Variants in AGAP1 observed in about 807,000 individuals in gnomAD.
AGAP1 encodes the protein ArfGAP with GTPase domain, ankyrin repeat and PH domain 1, also known as arf-GAP with GTPase, ANK repeat and PH domain-containing protein 1.
Under a neutral mutation model 105.3 loss-of-function variants are expected in AGAP1, and 29 were observed. That is an observed-to-expected ratio of 0.28 (90% confidence interval 0.21 to 0.38). AGAP1 has a LOEUF of 0.38. Among genes scored for constraint, AGAP1 ranks in the 10% least tolerant of loss-of-function variants. The probability of loss-of-function intolerance (pLI) is 1.00; values close to 1 mark genes in which losing one functional copy is unlikely to be tolerated. For synonymous variants in AGAP1, 509 were observed against 485.9 expected, an observed-to-expected ratio of 1.05 and a Z score of -0.63; for missense variants, 998 against 1,165.1, an observed-to-expected ratio of 0.86 and a Z score of 2.09.
At chr2:236,048,928 A>AT in intron 15 of AGAP1, 131 bp from the exon 16 acceptor site, 1 of 846,304 alleles carries the variant, frequency 1.2e-6, no homozygotes, top group South Asian at 1.7e-5. Context: ...GCTAGGGAGC[A>AT]TTTTTTCTCG....
In AGAP1 at chr2:235,893,316, G is replaced by C. The variant is rs980016907; in HGVS notation, c.1155+9867G>C. On this transcript the variant is annotated intron_variant, in intron 10 of 17. Transcript: ENST00000304032. This position sits in a 1 kb window ranked among gnomAD's most constrained non-coding sequence, Gnocchi z 4.7. ...AGCGTGTCTGTGGCGCAGGTGTGCC[G>C]TGTCTGTGGCATGGGTGTGGCTTGT... Among the ~76,000 whole-genome samples the C allele has an allele frequency of 1.3e-5, 2 of 151,394 alleles. No homozygotes were observed. Among genetic ancestry groups the C allele is most frequent in the East Asian group, 3.9e-4 (2 of 5,078 alleles).
intron 16 of AGAP1, among the ~76,000 whole-genome samples, chr2:236,081,691 C>A (rs2058788430): frequency 7.3e-6 from 1 of 136,904 alleles, no homozygotes. Context: ...TTTTGCAGGG[C>A]AATTATCTGT....
intron 1 of AGAP1, among the ~76,000 whole-genome samples, chr2:235,532,861 A>C (rs1381847852): frequency 6.6e-6 from 1 of 152,144 alleles, no homozygotes; most frequent in African/African-American, 2.4e-5. Context: ...GGTCCTTAGC[A>C]GTGACTGTGA....
intron 13 of AGAP1, among the ~76,000 whole-genome samples, chr2:236,025,762 C>T (rs1000772421): frequency 2.0e-5 from 3 of 152,082 alleles, no homozygotes; most frequent in Non-Finnish European, 4.4e-5. Flanking sequence ...AGACGCTGGG[C>T]GTGGTGGCTC....
In AGAP1 at chr2:235,716,929, G is replaced by A. The variant is rs1372330575; in HGVS notation, c.223-628G>A. On this transcript the variant is annotated intron_variant, in intron 2 of 17. Transcript: ENST00000304032. The surrounding 1 kb of genome is among the most constrained non-coding windows in gnomAD (Gnocchi z 4.0). ...TCCAGCACAAACGAGCACCTTTGCCGTCTCTCCCAGCAGCCCTGGCACTGT... is the reference window on the plus strand; with the variant it reads ...TCCAGCACAAACGAGCACCTTTGCCATCTCTCCCAGCAGCCCTGGCACTGT... Among the ~76,000 whole-genome samples, 8 of 152,002 alleles carry A rather than the reference G, an allele frequency of 5.3e-5. No individual in the cohort carries two copies. The highest frequency in any genetic ancestry group is 1.7e-4 in the African/African-American group (7 of 41,372).
Position 235,663,112 on chromosome 2 carries a change from G to C in AGAP1, c.164-46067G>C, listed in dbSNP as rs1050917576. Among the ~76,000 whole-genome samples the C allele has an allele frequency of 1.3e-5, 2 of 152,048 alleles. No homozygotes were observed. The highest frequency in any genetic ancestry group is 4.8e-5 in the African/African-American group (2 of 41,402). Reference sequence around the variant, plus strand: ...GGCCGAGGCGGGTGGATCATCTGAGGTCAGCCTGACCAACAAGGTGAAACC... The same window carrying C: ...GGCCGAGGCGGGTGGATCATCTGAGCTCAGCCTGACCAACAAGGTGAAACC... On this transcript the variant is annotated intron_variant, in intron 1 of 17. Transcript: ENST00000304032. The surrounding 1 kb of genome is among the most constrained non-coding windows in gnomAD (Gnocchi z 5.4).
rs1462684156 is a variant in AGAP1, at chr2:235,889,176, C to A, written c.1155+5727C>A. On this transcript the variant is annotated intron_variant, in intron 10 of 17. Transcript: ENST00000304032. The surrounding 1 kb of genome is among the most constrained non-coding windows in gnomAD (Gnocchi z 4.6). ...AAAATAAACCCAGCTCTTGGCCAAA[C>A]AAACAGTCGGTATGTGGCCGTGCTG... Among the ~76,000 whole-genome samples, 1 of 152,108 alleles carries A rather than the reference C, an allele frequency of 6.6e-6. No individual in the cohort carries two copies. The highest frequency in any genetic ancestry group is 1.5e-5 in the Non-Finnish European group (1 of 67,984).
intron 1 of AGAP1, among the ~76,000 whole-genome samples, chr2:235,632,143 A>G (rs929818739): frequency 5.3e-5 from 8 of 152,210 alleles, no homozygotes; most frequent in African/African-American, 1.7e-4. Context: ...TCTAATTAGC[A>G]TACAAGGTGA....
Position 236,001,328 on chromosome 2 carries a change from A to G in AGAP1, c.1645+32705A>G, listed in dbSNP as rs565707422. Among the ~76,000 whole-genome samples, 98 of 152,324 alleles carry G rather than the reference A, an allele frequency of 6.4e-4. No homozygotes were observed. Among genetic ancestry groups the G allele is most frequent in the African/African-American group, 2.2e-3 (92 of 41,576 alleles). On this transcript the variant is annotated intron_variant, in intron 13 of 17. Transcript: ENST00000304032. This position sits in a 1 kb window ranked among gnomAD's most constrained non-coding sequence, Gnocchi z 4.7. ...GCATTTTTGTGGTTTCACGCCACCC[A>G]GCGTGCGGTGCATTGTGGCAGGTGC... is the stretch of plus-strand genomic sequence containing the variant.
In AGAP1 at chr2:235,557,345, A is replaced by C. The variant is rs1944006688; in HGVS notation, c.163+62496A>C. ...CTGTTGCTCACCGCGTGTTGATTTT[A>C]TTTAAGACTGGAAAGGCTTGTCCAT... On this transcript the variant is annotated intron_variant, in intron 1 of 17. Transcript: ENST00000304032. The surrounding 1 kb of genome is among the most constrained non-coding windows in gnomAD (Gnocchi z 4.7). Among the ~76,000 whole-genome samples the C allele has an allele frequency of 6.6e-6, 1 of 152,022 alleles. No individual in the cohort carries two copies. The highest frequency in any genetic ancestry group is 6.5e-5 in the Admixed American group (1 of 15,272).
At position 236,040,037 on chromosome 2, in the gene AGAP1, C is replaced by T. The variant is rs914234083; in HGVS notation, c.1801-714C>T. Among the ~76,000 whole-genome samples, 4 of 152,030 alleles carry T rather than the reference C, an allele frequency of 2.6e-5. No homozygotes were observed. Among genetic ancestry groups the T allele is most frequent in the South Asian group, 4.2e-4 (2 of 4,818 alleles). On this transcript the variant is annotated intron_variant, in intron 14 of 17. Transcript: ENST00000304032. This position sits in a 1 kb window ranked among gnomAD's most constrained non-coding sequence, Gnocchi z 5.6. ...AAGGCAGGAGGATCACTTGAGCCCA[C>T]GAGTTCAAGGCTGCAGTGAGCTATG...
rs1020132543 is a variant in AGAP1 at position 235,556,106 on chromosome 2, C to T, written c.163+61257C>T. Among the ~76,000 whole-genome samples the T allele has an allele frequency of 1.3e-5, 2 of 152,126 alleles. No homozygotes were observed. The highest frequency in any genetic ancestry group is 6.5e-5 in the Admixed American group (1 of 15,278). On this transcript the variant is annotated intron_variant, in intron 1 of 17. Transcript: ENST00000304032. This position sits in a 1 kb window ranked among gnomAD's most constrained non-coding sequence, Gnocchi z 5.3. ...TTCTGGAAGCCTCCAGAAGGATGGA[C>T]GGGGGCACTGAGACCTGAAGAAGGG...
rs906267909 is a variant in AGAP1, at chr2:235,855,696, A to T, written c.1051-27649A>T. On this transcript the variant is annotated intron_variant, in intron 9 of 17. Coordinates refer to ENST00000304032, the MANE Select transcript of AGAP1 (RefSeq NM_001037131.3). This position sits in a 1 kb window ranked among gnomAD's most constrained non-coding sequence, Gnocchi z 5.0. Reference sequence around the variant, plus strand: ...GACCGAGAGGCTGAGCAGCAGCTCCACTGAATTCAAGTCAGAGGATATTTG... The same window carrying T: ...GACCGAGAGGCTGAGCAGCAGCTCCTCTGAATTCAAGTCAGAGGATATTTG... 6.6e-6 allele frequency among the ~76,000 whole-genome samples: 1 copy of T among 152,112 alleles called. No homozygotes were observed. The highest frequency in any genetic ancestry group is 1.9e-4 in the East Asian group (1 of 5,184).
chr2:235,762,342 G>C (rs749818247), intron 6 of AGAP1, among the ~76,000 whole-genome samples: 29 of 152,108 alleles, frequency 1.9e-4, no homozygotes, highest in Non-Finnish European at 2.9e-5. Flanking sequence ...CATAGTCCTT[G>C]TAGGTTGAGC....
chr2:235,699,281 C>T lies in AGAP1; in HGVS notation c.164-9898C>T, dbSNP rs555659926. Reference sequence around the variant, plus strand: ...GGCTTGGGGAGACCTCCTGTAGATACAGGCAGTGTCTTTGGTTGCGTTGTC... The same window carrying T: ...GGCTTGGGGAGACCTCCTGTAGATATAGGCAGTGTCTTTGGTTGCGTTGTC... On this transcript the variant is annotated intron_variant, in intron 1 of 17. Transcript: ENST00000304032. Among the ~76,000 whole-genome samples the T allele has an allele frequency of 1.2e-3, 182 of 152,236 alleles. 1 individual carries two copies. Among genetic ancestry groups the T allele is most frequent in the African/African-American group, 4.2e-3 (173 of 41,552 alleles).
Position 236,001,749 on chromosome 2 carries a change from A to G in AGAP1, c.1645+33126A>G, listed in dbSNP as rs921275948. 1.3e-5 allele frequency among the ~76,000 whole-genome samples: 2 copies of G among 152,140 alleles called. No homozygotes were observed. The highest frequency in any genetic ancestry group is 4.8e-5 in the African/African-American group (2 of 41,418). On this transcript the variant is annotated intron_variant, in intron 13 of 17. Coordinates refer to ENST00000304032, the MANE Select transcript of AGAP1 (RefSeq NM_001037131.3). The surrounding 1 kb of genome is among the most constrained non-coding windows in gnomAD (Gnocchi z 4.7). ...TATATTCTGGAATTTTACTTTTCTA[A>G]TTTAACACCCCGTGGGTCTCCAGTT...
At chr2:235,686,665 A>ATATATATTTTT (rs1369766503) in intron 1 of AGAP1, among the ~76,000 whole-genome samples, 1 of 77,502 alleles carries the variant, frequency 1.3e-5, no homozygotes, top group African/African-American at 6.4e-5. Context: ...ATATATATAT[A>ATATATATTTTT]TTTTTTTTTT....
chr2:235,552,877 G>T lies in AGAP1; in HGVS notation c.163+58028G>T, dbSNP rs2149119095. ...GACTCTGCAGAGCATTGGAGGCCTT[G>T]TTGTGGGCTCAAGGAGTGCAGAGAG... On this transcript the variant is annotated intron_variant, in intron 1 of 17. Coordinates refer to ENST00000304032, the MANE Select transcript of AGAP1 (RefSeq NM_001037131.3). The surrounding 1 kb of genome is among the most constrained non-coding windows in gnomAD (Gnocchi z 5.9). Among the ~76,000 whole-genome samples the T allele has an allele frequency of 1.3e-5, 2 of 152,316 alleles. No individual in the cohort carries two copies. The highest frequency in any genetic ancestry group is 4.8e-5 in the African/African-American group (2 of 41,578).
At position 236,114,463 on chromosome 2, in the gene AGAP1, A is replaced by C. The variant is rs146702866; in HGVS notation, c.2115-5729A>C. On this transcript the variant is annotated intron_variant, in intron 16 of 17. Transcript: ENST00000304032. The surrounding 1 kb of genome is among the most constrained non-coding windows in gnomAD (Gnocchi z 5.0). The stretch of plus-strand genomic sequence containing the variant: ...TGCTATCCAGAGTATGTGTCAGCTC[A>C]GGCTGCCAAAATAAAGTATTACACT... 5.3e-5 allele frequency among the ~76,000 whole-genome samples: 8 copies of C among 152,352 alleles called. No individual in the cohort carries two copies. In the South Asian group the frequency reaches 1.7e-3, roughly 32 times the overall value.
Sources: allele counts gnomAD v4.1 joint callset (sites outside exome capture counted in the v4.1 genomes callset), GRCh38; gene constraint gnomAD v4.1.1; non-coding constraint Gnocchi (gnomAD v3.1); transcripts MANE v1.5; gene names NCBI Gene and HGNC (gene_info 2026-07-23, HGNC 2026-07-21).